The following ESRRB variants were observed in gnomAD, a reference collection of about 807,000 sequenced individuals.
ESRRB encodes estrogen related receptor beta, also known as steroid hormone receptor ERR2.
Under a neutral mutation model 46.0 loss-of-function variants are expected in ESRRB, and 16 were observed. The ratio of observed to expected loss-of-function variants is 0.35; its 90% CI spans 0.24 to 0.53. The LOEUF is 0.53. Ranked by LOEUF, ESRRB falls within the 20% of genes least tolerant of loss-of-function variation. The pLI is 0.93. For synonymous variants in ESRRB, 246 were observed against 259.6 expected (o/e 0.95, Z 0.50); for missense variants, 488 against 607.4 (o/e 0.80, Z 2.07).
At chr14:76,472,412 G>A (rs1408202400) in intron 3 of ESRRB, among the ~76,000 whole-genome samples, 3 of 152,216 alleles carry the variant, frequency 2.0e-5, no homozygotes, top group South Asian at 4.1e-4. Context: ...CACAGTGCCC[G>A]GAGCCCACAG....
At chr14:76,431,588 G>T (rs1407331852) in intron 1 of ESRRB, among the ~76,000 whole-genome samples, 1 of 152,194 alleles carries the variant, frequency 6.6e-6, no homozygotes, top group African/African-American at 2.4e-5. Flanking sequence ...GGGCAGAGAT[G>T]AGTTGGGGCA....
chr14:76,490,105 A>C (rs1397082032), intron 5 of ESRRB, among the ~76,000 whole-genome samples: 1 of 152,164 alleles, frequency 6.6e-6, no homozygotes, highest in Admixed American at 6.5e-5. Flanking sequence ...CCTAGGCAAA[A>C]TTACCCCTGA....
chr14:76,491,777 C>A (rs1890243758), intron 6 of ESRRB, 61 bp downstream of exon 6: 21 of 1,504,328 alleles, frequency 1.4e-5, no homozygotes, highest in Non-Finnish European at 1.8e-5. Flanking sequence ...GCCTAATGAG[C>A]CCATCCCTGG....
intron 1 of ESRRB, among the ~76,000 whole-genome samples, chr14:76,399,089 C>CT (rs895162092): frequency 6.6e-6 from 1 of 152,086 alleles, no homozygotes; most frequent in Non-Finnish European, 1.5e-5. Context: ...TGCAGCCTGC[C>CT]TTTTTTGCAG....
Position 76,358,329 on chromosome 14 carries a change from AAGAAAGAAAGAAAGAAAGAAAG to A in ESRRB, c.2+47415_2+47436del, listed in dbSNP as rs1884414506. Among the ~76,000 whole-genome samples the A allele has an allele frequency of 1.3e-3, 18 of 14,108 alleles. 1 individual carries two copies. Among genetic ancestry groups the A allele is most frequent in the African/African-American group, 1.4e-3 (3 of 2,076 alleles). The allele number at this position is 14,108 out of a possible 152,430, so 9.3% of individuals were successfully genotyped here. A position where few individuals can be genotyped will look rare whatever the true frequency, so the allele number is the denominator to read the frequency against. ...TCTGTCTCAAAAAAAAAAAAAAAGA[AAGAAAGAAAGAAAGAAAGAAAG>A]AAAGAAAGAAAGAAAGAAAGAAAGA... On this transcript the variant is annotated intron_variant, in intron 1 of 6. Transcript: ENST00000512784.
At chr14:76,341,934 G>A (rs114366742) in intron 1 of ESRRB, among the ~76,000 whole-genome samples, 2,354 of 152,294 alleles carry the variant, frequency 0.015, 67 homozygotes, top group African/African-American at 0.054. Context: ...TGAGGAGTTG[G>A]AGGTGGTACT....
chr14:76,395,763 G>A (rs1315225448), intron 1 of ESRRB, among the ~76,000 whole-genome samples: 1 of 148,226 alleles, frequency 6.7e-6, no homozygotes, highest in Non-Finnish European at 1.5e-5. Flanking sequence ...TCATTTTAAA[G>A]TATTATTTAA....
intron 1 of ESRRB, among the ~76,000 whole-genome samples, chr14:76,332,615 TTATATAAATATATATTA>T (rs1566853133): frequency 0.26 from 8,662 of 32,840 alleles, 1,148 homozygotes; most frequent in East Asian, 0.34. Flanking sequence ...TATTTATATA[TTATATAAATATATATTA>T]TATATATTTA....
chr14:76,388,029 G>T (rs1216063895), intron 1 of ESRRB, among the ~76,000 whole-genome samples: 1 of 152,128 alleles, frequency 6.6e-6, no homozygotes, highest in East Asian at 1.9e-4. Flanking sequence ...AAGAAACTGA[G>T]GTACAGAGAC....
chr14:76,409,586 TAG>T (rs1886344563), intron 1 of ESRRB, among the ~76,000 whole-genome samples: 1 of 117,838 alleles, frequency 8.5e-6, no homozygotes, highest in African/African-American at 3.2e-5. Flanking sequence ...TAAAATTGAT[TAG>T]AAAGTGGGCT....
intron 1 of ESRRB, among the ~76,000 whole-genome samples, chr14:76,360,456 G>C (rs956553066): frequency 3.3e-5 from 5 of 152,058 alleles, no homozygotes; most frequent in Non-Finnish European, 7.4e-5. Context: ...CATATGAAGA[G>C]GCCAACTTTG....
intron 2 of ESRRB, among the ~76,000 whole-genome samples, chr14:76,451,004 T>C (rs1888360806): frequency 6.6e-6 from 1 of 152,234 alleles, no homozygotes; most frequent in South Asian, 2.1e-4. Flanking sequence ...CCAGTCAGAA[T>C]GTGGTCAGCC....
chr14:76,316,904 T>G (rs920376082), intron 1 of ESRRB, among the ~76,000 whole-genome samples: 4 of 152,198 alleles, frequency 2.6e-5, no homozygotes, highest in Admixed American at 1.3e-4. Flanking sequence ...TCATGCTCTC[T>G]CCTCTCCCCT....
rs1566603840 is a variant in ESRRB at position 76,469,938 on chromosome 14, TTTTTTC to T, written c.577+7283_577+7288del. Among the ~76,000 whole-genome samples the T allele has an allele frequency of 3.8e-3, 467 of 122,674 alleles. 21 individuals are homozygous for T. The highest frequency in any genetic ancestry group is 0.014 in the Middle Eastern group (3 of 218). The allele number at this position is 122,674 out of a possible 152,430, so 80.5% of individuals were successfully genotyped here. On this transcript the variant is annotated intron_variant, in intron 3 of 6. Transcript: ENST00000644823. ...GGCTGTGTTTTTTGTTGTTTTTTTT[TTTTTTC>T]TTTTTTTTTTTTTTTTTTTTTGAGA...
chr14:76,490,567 G>T (rs756453654), intron 5 of ESRRB, among the ~76,000 whole-genome samples: 4 of 152,210 alleles, frequency 2.6e-5, no homozygotes, highest in African/African-American at 7.2e-5. Context: ...AAGTTGCATG[G>T]TTTTCACAAG....
intron 1 of ESRRB, among the ~76,000 whole-genome samples, chr14:76,350,339 A>C (rs1480777825): frequency 6.6e-6 from 1 of 152,242 alleles, no homozygotes; most frequent in African/African-American, 2.4e-5. Context: ...GACACAGAAC[A>C]ATTCAAAACA....
intron 2 of ESRRB, among the ~76,000 whole-genome samples, chr14:76,452,653 C>T (rs7493792): frequency 8.3e-6 from 1 of 120,806 alleles, no homozygotes; most frequent in Non-Finnish European, 1.6e-5. Flanking sequence ...CAAAACAAAA[C>T]AAAAAAAAAG....
intron 3 of ESRRB, among the ~76,000 whole-genome samples, chr14:76,465,548 C>CG (rs1334259308): frequency 2.0e-5 from 3 of 152,080 alleles, no homozygotes; most frequent in Non-Finnish European, 1.5e-5. Flanking sequence ...ATGATGGTAT[C>CG]GGGGGTGCTG....
At chr14:76,461,273 G>C (rs1372092499) in intron 2 of ESRRB, among the ~76,000 whole-genome samples, 1 of 152,146 alleles carries the variant, frequency 6.6e-6, no homozygotes. Context: ...AATGGGAATA[G>C]TATTAGTACT....
Sources: allele counts gnomAD v4.1 joint callset (sites outside exome capture counted in the v4.1 genomes callset), GRCh38; gene constraint gnomAD v4.1.1; transcripts MANE v1.5; gene names NCBI Gene and HGNC (gene_info 2026-07-23, HGNC 2026-07-21).